Variants in SSBP3 observed in about 807,000 individuals in gnomAD.
SSBP3 encodes single stranded DNA binding protein 3, also known as single-stranded DNA-binding protein 3.
In SSBP3, 5 loss-of-function variants were observed where a neutral mutation model predicts 69.6. The ratio of observed to expected loss-of-function variants is 0.07; its 90% CI spans 0.04 to 0.15. SSBP3 has a LOEUF of 0.15. Among genes scored for constraint, SSBP3 ranks in the 10% least tolerant of loss-of-function variants. The pLI is 1.00. For synonymous variants in SSBP3, 196 were observed against 193.4 expected (o/e 1.01, Z -0.11); for missense variants, 312 against 534.0 (o/e 0.58, Z 4.10).
chr1:54,359,155 A>G (rs1189378434), intron 4 of SSBP3, among the ~76,000 whole-genome samples: 2 of 142,786 alleles, frequency 1.4e-5, no homozygotes, highest in Non-Finnish European at 3.0e-5. Context: ...AGGTGGGGAG[A>G]GTTTTATGGG....
intron 4 of SSBP3, among the ~76,000 whole-genome samples, chr1:54,359,740 ATCAGAAAATACGTT>A (rs1195100926): frequency 6.6e-6 from 1 of 152,214 alleles, no homozygotes; most frequent in African/African-American, 2.4e-5. Flanking sequence ...GGAGCAAAGA[ATCAGAAAATACGTT>A]TCAGAGAGCA....
exon 17 of SSBP3, chr1:54,228,260 C>T (rs766705537): frequency 6.2e-6 from 10 of 1,613,802 alleles, no homozygotes; most frequent in African/African-American, 1.3e-5. Flanking sequence ...CTTACATTGT[C>T]GTTCTGAAAG....
chr1:54,269,081 C>A (rs1420525237), intron 5 of SSBP3, among the ~76,000 whole-genome samples: 1 of 152,178 alleles, frequency 6.6e-6, no homozygotes, highest in South Asian at 2.1e-4. Flanking sequence ...TGCCCCGCCT[C>A]GTGGAATCCT....
rs1371489529 is a variant in SSBP3 at position 54,396,195 on chromosome 1, A to G, written c.276+5666T>C. On this transcript the variant is annotated intron_variant, in intron 4 of 17. Coordinates refer to ENST00000610401, the Ensembl canonical transcript of SSBP3. Reference sequence around the variant, plus strand: ...TGACAGAGTGAGACTCCATCTCAGAAAAAAAAAAAAAAAAAAAAAAAAAAC... The same window carrying G: ...TGACAGAGTGAGACTCCATCTCAGAGAAAAAAAAAAAAAAAAAAAAAAAAC... Among the ~76,000 whole-genome samples the G allele has an allele frequency of 4.5e-3, 403 of 89,798 alleles. 4 individuals carry two copies. The highest frequency in any genetic ancestry group is 0.026 in the African/African-American group (369 of 14,186). The allele number at this position is 89,798 out of a possible 152,430, so 58.9% of individuals were successfully genotyped here. A position where few individuals can be genotyped will look rare whatever the true frequency, so the allele number is the denominator to read the frequency against.
chr1:54,267,096 C>T (rs568643687), intron 5 of SSBP3, among the ~76,000 whole-genome samples: 1 of 152,266 alleles, frequency 6.6e-6, no homozygotes, highest in Admixed American at 6.5e-5. Flanking sequence ...TGTGAATTCA[C>T]AAAGAATTAG....
intron 14 of SSBP3, chr1:54,238,266 C>A: frequency 2.1e-6 from 1 of 471,092 alleles, no homozygotes. Context: ...AACCAGAGTG[C>A]CCCAAAAGGC....
chr1:54,322,752 A>AACCT (rs1557530616), intron 4 of SSBP3, among the ~76,000 whole-genome samples: 1 of 151,860 alleles, frequency 6.6e-6, no homozygotes, highest in Non-Finnish European at 1.5e-5. Context: ...TCAACCAACC[A>AACCT]ACCTAGGTTC....
At chr1:54,406,926 G>T (rs1174759778), upstream of SSBP3, among the ~76,000 whole-genome samples, 1 of 138,490 alleles carries the variant, frequency 7.2e-6, no homozygotes, top group African/African-American at 2.7e-5. Flanking sequence ...CTCCGACCCC[G>T]ACCCCCTCCC....
chr1:54,258,233 C>T lies in SSBP3; in HGVS notation c.367-84G>A, dbSNP rs1370086378. On this transcript the variant is annotated intron_variant, in intron 5 of 17. Transcript: ENST00000610401. The surrounding 1 kb of genome is among the most constrained non-coding windows in gnomAD (Gnocchi z 4.5). Reference sequence around the variant, plus strand: ...GCAGCTTAAAAGAACAAAAATTAAACCAAAACGAAGGGTGGGCGGCGGGCG... The same window carrying T: ...GCAGCTTAAAAGAACAAAAATTAAATCAAAACGAAGGGTGGGCGGCGGGCG... 5.6e-6 allele frequency: 7 copies of T among 1,239,360 alleles called. No individual in the cohort carries two copies. Among genetic ancestry groups the T allele is most frequent in the Admixed American group, 6.6e-5 (2 of 30,336 alleles). 76.8% of individuals were successfully genotyped at this position (1,239,360 alleles called of 1,614,324 possible). A position where few individuals can be genotyped will look rare whatever the true frequency, so the allele number is the denominator to read the frequency against.
intron 13 of SSBP3, among the ~76,000 whole-genome samples, chr1:54,240,047 G>GGTGTGTGTGTGTGTGTGTGT (rs71066910): frequency 9.9e-4 from 77 of 77,742 alleles, no homozygotes; most frequent in Non-Finnish European, 1.6e-3. Flanking sequence ...ATTGTGATGG[G>GGTGTGTGTGTGTGTGTGTGT]GTGTGTGTGT....
intron 4 of SSBP3, chr1:54,286,583 C>G (rs1254770453): frequency 1.3e-5 from 2 of 152,386 alleles, no homozygotes; most frequent in African/African-American, 2.4e-5. Flanking sequence ...TCTGCCCTAT[C>G]CATGCTCCAA....
chr1:54,244,025 G>C lies in SSBP3; in HGVS notation c.652-726C>G, dbSNP rs1265115296. Among the ~76,000 whole-genome samples, 3 of 152,100 alleles carry C rather than the reference G, an allele frequency of 2.0e-5. No individual in the cohort carries two copies. The South Asian group carries it at 6.2e-4, about 32-fold the overall frequency. On this transcript the variant is annotated intron_variant, in intron 9 of 17. Coordinates refer to ENST00000610401, the Ensembl canonical transcript of SSBP3. ...ACTCACTGCAGCCTTGACCTCCTGG[G>C]CTCAAGCAATCCTCCCACCTGAGCC...
At chr1:54,235,316 C>T (rs12026994) in intron 14 of SSBP3, among the ~76,000 whole-genome samples, 16 of 136,714 alleles carry the variant, frequency 1.2e-4, no homozygotes, top group African/African-American at 4.4e-4. Context: ...GAGTCTCACT[C>T]TGCTGCCCAG....
upstream of SSBP3, among the ~76,000 whole-genome samples, chr1:54,406,722 G>A (rs1469263589): frequency 6.6e-6 from 1 of 152,016 alleles, no homozygotes. Flanking sequence ...GCTCCCCGCG[G>A]CGTGGACCAC....
intron 4 of SSBP3, among the ~76,000 whole-genome samples, chr1:54,301,988 C>T (rs1400072585): frequency 6.0e-5 from 9 of 149,174 alleles, no homozygotes; most frequent in Non-Finnish European, 1.2e-4. Context: ...AAGAGGAAGA[C>T]GGAGGCACGA....
At chr1:54,346,436 C>G (rs1296412179) in intron 4 of SSBP3, among the ~76,000 whole-genome samples, 3 of 152,136 alleles carry the variant, frequency 2.0e-5, no homozygotes, top group Non-Finnish European at 4.4e-5. Flanking sequence ...GCACTGTCAC[C>G]CTATGCTGGG....
At chr1:54,404,661 G>C (rs1350294331) in intron 2 of SSBP3, 24 bp from the exon 3 acceptor site, 1 of 1,613,832 alleles carries the variant, frequency 6.2e-7, no homozygotes, top group Non-Finnish European at 8.5e-7. Flanking sequence ...AGCAGAAGCA[G>C]CTTAGAGGAG....
At chr1:54,341,981 A>G (rs1187132889) in intron 4 of SSBP3, among the ~76,000 whole-genome samples, 1 of 152,230 alleles carries the variant, frequency 6.6e-6, no homozygotes, top group Non-Finnish European at 1.5e-5. Flanking sequence ...AGGAGGCTGG[A>G]GGGCAAAGTT....
chr1:54,395,573 C>T (rs75089963), intron 4 of SSBP3, among the ~76,000 whole-genome samples: 4,060 of 152,192 alleles, frequency 0.027, 165 homozygotes, highest in African/African-American at 0.083. Flanking sequence ...ACAGCAGGGA[C>T]GGGCGGTGGG....
Sources: gnomAD v4.1 joint callset for allele counts (sites outside exome capture counted in the v4.1 genomes callset) on GRCh38, gnomAD v4.1.1 for gene constraint, Gnocchi (gnomAD v3.1) non-coding constraint, MANE v1.5 for transcripts, NCBI Gene and HGNC (gene_info 2026-07-23, HGNC 2026-07-21) for gene names.